SAMMSON: variants seen among roughly 807,000 people sequenced by gnomAD.
The protein encoded by SAMMSON is survival associated mitochondrial melanoma specific oncogenic non-coding RNA.
At chr3:70,168,381 T>G (rs1017433142) in intron 4 of SAMMSON, among the ~76,000 whole-genome samples, 1 of 151,972 alleles carries the variant, frequency 6.6e-6, no homozygotes, top group Non-Finnish European at 1.5e-5. Context: ...AGGTCAGTAG[T>G]GGCGCCTTTT....
chr3:70,302,199 A>G (rs1702355707), intron 7 of SAMMSON, among the ~76,000 whole-genome samples: 1 of 152,168 alleles, frequency 6.6e-6, no homozygotes, highest in African/African-American at 2.4e-5. Flanking sequence ...AATGGTTGAA[A>G]TGATTTATGC....
chr3:70,431,417 G>A (rs1214480232), intron 2 of SAMMSON, among the ~76,000 whole-genome samples: 1 of 151,888 alleles, frequency 6.6e-6, no homozygotes, highest in Non-Finnish European at 1.5e-5. Flanking sequence ...GGGATATTTA[G>A]TTTTGTGTAT....
intron 4 of SAMMSON, among the ~76,000 whole-genome samples, chr3:70,168,697 T>A (rs2067647851): frequency 6.6e-6 from 1 of 152,006 alleles, no homozygotes; most frequent in Non-Finnish European, 1.5e-5. Context: ...TTGTCAACAT[T>A]AGGCGTACGT....
At chr3:70,203,743 A>G (rs1701265351) in intron 4 of SAMMSON, among the ~76,000 whole-genome samples, 1 of 152,146 alleles carries the variant, frequency 6.6e-6, no homozygotes, top group African/African-American at 2.4e-5. Context: ...TTCCTCTTCC[A>G]CCTGGATGAG....
chr3:70,185,352 A>C (rs1245111797), intron 4 of SAMMSON, among the ~76,000 whole-genome samples: 5 of 152,094 alleles, frequency 3.3e-5, no homozygotes, highest in Non-Finnish European at 7.4e-5. Context: ...ATGTCCACTA[A>C]AAGTTTCATA....
chr3:70,082,846 C>G (rs1281847322), intron 4 of SAMMSON, among the ~76,000 whole-genome samples: 1 of 152,192 alleles, frequency 6.6e-6, no homozygotes, highest in African/African-American at 2.4e-5. Flanking sequence ...ATCTTCCTAA[C>G]AGCCCCATGA....
chr3:70,341,538 A>G (rs1702710370), intron 7 of SAMMSON, among the ~76,000 whole-genome samples: 2 of 152,144 alleles, frequency 1.3e-5, no homozygotes, highest in Non-Finnish European at 2.9e-5. Flanking sequence ...AGATTGGGCA[A>G]GTGACAATGT....
At chr3:70,377,069 A>G (rs1703023516) in intron 9 of SAMMSON, among the ~76,000 whole-genome samples, 2 of 152,110 alleles carry the variant, frequency 1.3e-5, no homozygotes, top group African/African-American at 4.8e-5. Context: ...CCATCACTCA[A>G]AACAATAGAA....
intron 4 of SAMMSON, among the ~76,000 whole-genome samples, chr3:70,218,883 C>A (rs1017702405): frequency 6.6e-6 from 1 of 152,026 alleles, no homozygotes; most frequent in African/African-American, 2.4e-5. Context: ...TTGAGGTGAA[C>A]TATTCTGAAT....
At chr3:70,064,337 A>C (rs778905165) in intron 3 of SAMMSON, among the ~76,000 whole-genome samples, 1 of 152,172 alleles carries the variant, frequency 6.6e-6, no homozygotes, top group African/African-American at 2.4e-5. Flanking sequence ...GGGACTTTAC[A>C]CTTTAATTAA....
At chr3:70,381,986 T>A (rs562965635) in intron 9 of SAMMSON, among the ~76,000 whole-genome samples, 221 of 152,258 alleles carry the variant, frequency 1.5e-3, no homozygotes, top group African/African-American at 5.1e-3. Flanking sequence ...TCTTGTTAGG[T>A]GTAATACTCA....
intron 4 of SAMMSON, chr3:70,126,035 A>C: frequency 2.1e-6 from 2 of 973,522 alleles, no homozygotes; most frequent in South Asian, 2.7e-5. Context: ...GCTGTGGGCA[A>C]ATTCATTTTA....
chr3:70,160,416 T>C (rs991633258), intron 4 of SAMMSON, among the ~76,000 whole-genome samples: 1 of 150,962 alleles, frequency 6.6e-6, no homozygotes, highest in African/African-American at 2.4e-5. Context: ...AATAGCTTAT[T>C]GTACCAGTAC....
At chr3:70,357,019 A>G (rs924616637) in intron 8 of SAMMSON, among the ~76,000 whole-genome samples, 3 of 152,318 alleles carry the variant, frequency 2.0e-5, no homozygotes, top group Non-Finnish European at 2.9e-5. Flanking sequence ...TAGAATTAGT[A>G]GAGCCTGTAA....
At chr3:70,314,420 CCTAAT>C (rs1702481229) in intron 7 of SAMMSON, among the ~76,000 whole-genome samples, 1 of 152,098 alleles carries the variant, frequency 6.6e-6, no homozygotes, top group Non-Finnish European at 1.5e-5. Flanking sequence ...CATTTGGAAA[CCTAAT>C]CTAATTTCCT....
intron 2 of SAMMSON, among the ~76,000 whole-genome samples, chr3:70,433,694 G>T (rs1243665840): frequency 6.6e-6 from 1 of 151,872 alleles, no homozygotes; most frequent in African/African-American, 2.4e-5. Flanking sequence ...CATGGATTAT[G>T]CTTTTCATAT....
At chr3:70,022,526 T>C (rs1226410025) in intron 3 of SAMMSON, among the ~76,000 whole-genome samples, 1 of 152,150 alleles carries the variant, frequency 6.6e-6, no homozygotes, top group Non-Finnish European at 1.5e-5. Flanking sequence ...TTTTTGGTTC[T>C]TTTGGTCTTT....
chr3:70,368,268 A>C (rs1380081735), intron 9 of SAMMSON, among the ~76,000 whole-genome samples: 1 of 151,580 alleles, frequency 6.6e-6, no homozygotes, highest in African/African-American at 2.4e-5. Flanking sequence ...CAGTTATTAG[A>C]ATGATATTTG....
chr3:70,154,625 C>G (rs550581040), intron 4 of SAMMSON, among the ~76,000 whole-genome samples: 2 of 152,184 alleles, frequency 1.3e-5, no homozygotes, highest in East Asian at 3.9e-4. Context: ...AAAGATGACT[C>G]TGGGTACTTG....
Sources: gnomAD v4.1 joint callset for allele counts (sites outside exome capture counted in the v4.1 genomes callset) on GRCh38, gnomAD v4.1.1 for gene constraint, MANE v1.5 for transcripts, NCBI Gene and HGNC (gene_info 2026-07-23, HGNC 2026-07-21) for gene names.